Variants in KAZN observed in about 807,000 individuals in gnomAD.
KAZN encodes the protein kazrin.
Under a neutral mutation model 87.4 loss-of-function variants are expected in KAZN, and 40 were observed. The ratio of observed to expected loss-of-function variants is 0.46; its 90% CI spans 0.36 to 0.60. The LOEUF is 0.60. Ranked by LOEUF, KAZN falls within the 20% of genes least tolerant of loss-of-function variation. KAZN has a pLI of 0.00. For missense variants in KAZN, 898 were observed against 1,073.9 expected (o/e 0.84, Z 2.29); for synonymous variants, 466 against 458.3 (o/e 1.02, Z -0.22).
intron 2 of KAZN, among the ~76,000 whole-genome samples, chr1:14,430,779 A>G (rs1223727397): frequency 6.6e-6 from 1 of 152,266 alleles, no homozygotes; most frequent in Non-Finnish European, 1.5e-5. Flanking sequence ...CAGAGAGGAC[A>G]GGTATCGAGC....
At chr1:14,134,640 G>A (rs4662114) in intron 1 of KAZN, among the ~76,000 whole-genome samples, 1 of 151,914 alleles carries the variant, frequency 6.6e-6, no homozygotes, top group Non-Finnish European at 1.5e-5. Flanking sequence ...ACTAAATAAA[G>A]GTGCACAGTC....
intron 1 of KAZN, among the ~76,000 whole-genome samples, chr1:14,725,685 C>G (rs1018052101): frequency 6.6e-6 from 1 of 152,140 alleles, no homozygotes; most frequent in African/African-American, 2.4e-5. Flanking sequence ...AAACTCAGAA[C>G]CCCAGAGTCC....
In KAZN at chr1:14,118,388, A is replaced by G. The variant is rs116280985; in HGVS notation, c.92-62047A>G. 4.1e-3 allele frequency among the ~76,000 whole-genome samples: 625 copies of G among 152,300 alleles called. 4 individuals are homozygous for G. Among genetic ancestry groups the G allele is most frequent in the African/African-American group, 0.015 (603 of 41,572 alleles). On this transcript the variant is annotated intron_variant, in intron 1 of 16. Transcript: ENST00000636203. Reference sequence around the variant, plus strand: ...CTTCCCCCATCCCCTTTTCATCATCAGGGATTTGATAGTTATTCTCAAGAT... The same window carrying G: ...CTTCCCCCATCCCCTTTTCATCATCGGGGATTTGATAGTTATTCTCAAGAT...
chr1:14,906,006 A>C (rs914133283), intron 1 of KAZN, among the ~76,000 whole-genome samples: 2 of 151,454 alleles, frequency 1.3e-5, no homozygotes, highest in Non-Finnish European at 2.9e-5. Context: ...GTCTCTACTA[A>C]AAATACAAAA....
chr1:15,102,438 G>A (rs1470608264), intron 11 of KAZN, among the ~76,000 whole-genome samples: 1 of 152,232 alleles, frequency 6.6e-6, no homozygotes, highest in East Asian at 1.9e-4. Flanking sequence ...CAGCAGAGTT[G>A]CTGAGAGTCC....
chr1:14,593,351 GGA>G (rs1676313909), intron 2 of KAZN, among the ~76,000 whole-genome samples: 1 of 152,190 alleles, frequency 6.6e-6, no homozygotes, highest in Non-Finnish European at 1.5e-5. Flanking sequence ...CCAGACAGGG[GGA>G]GCAGAAAGCA....
At chr1:14,294,393 C>T (rs1557621579) in intron 2 of KAZN, among the ~76,000 whole-genome samples, 1 of 152,086 alleles carries the variant, frequency 6.6e-6, no homozygotes, top group Admixed American at 6.5e-5. Flanking sequence ...CTCAAAAACA[C>T]TAATCGCTTC....
chr1:13,899,476 C>T (rs557536601), intron 1 of KAZN, among the ~76,000 whole-genome samples: 1 of 152,172 alleles, frequency 6.6e-6, no homozygotes, highest in Non-Finnish European at 1.5e-5. Flanking sequence ...TGTTGCTGAA[C>T]ATCTGTGCCA....
At chr1:14,428,714 C>G (rs1361940261) in intron 2 of KAZN, among the ~76,000 whole-genome samples, 3 of 152,118 alleles carry the variant, frequency 2.0e-5, no homozygotes, top group Non-Finnish European at 2.9e-5. Context: ...GAATGAGAAC[C>G]AAGCTAAGAG....
chr1:14,866,900 A>T (rs1651520944), intron 1 of KAZN, among the ~76,000 whole-genome samples: 1 of 152,074 alleles, frequency 6.6e-6, no homozygotes, highest in African/African-American at 2.4e-5. Flanking sequence ...CTGTGGGGAG[A>T]CCCTGGTCTA....
At chr1:14,390,657 A>T (rs996816915) in intron 2 of KAZN, 4 of 152,436 alleles carry the variant, frequency 2.6e-5, no homozygotes, top group Non-Finnish European at 5.9e-5. Context: ...AGACTGGGTG[A>T]TTTTTAATAA....
At chr1:14,115,592 G>C (rs1644599041) in intron 1 of KAZN, among the ~76,000 whole-genome samples, 1 of 152,130 alleles carries the variant, frequency 6.6e-6, no homozygotes, top group Non-Finnish European at 1.5e-5. Flanking sequence ...TTACTTCCCA[G>C]TCCTAAGCAT....
intron 2 of KAZN, among the ~76,000 whole-genome samples, chr1:14,542,937 C>T (rs1435138828): frequency 2.6e-5 from 4 of 151,194 alleles, no homozygotes; most frequent in African/African-American, 4.9e-5. Context: ...AAGTGGCAGC[C>T]CTGCTCTTGG....
intron 2 of KAZN, among the ~76,000 whole-genome samples, chr1:14,533,800 G>A (rs570434506): frequency 1.1e-4 from 16 of 152,166 alleles, no homozygotes; most frequent in East Asian, 3.9e-4. Flanking sequence ...ATATTTTACC[G>A]ACATTTTTGT....
chr1:14,846,260 G>A (rs1326986150), intron 1 of KAZN, among the ~76,000 whole-genome samples: 1 of 152,190 alleles, frequency 6.6e-6, no homozygotes, highest in Non-Finnish European at 1.5e-5. Flanking sequence ...AAAGAAGCCT[G>A]TTGAATCTAG....
intron 2 of KAZN, among the ~76,000 whole-genome samples, chr1:14,232,243 G>A (rs2100545067): frequency 6.6e-6 from 1 of 152,296 alleles, no homozygotes; most frequent in African/African-American, 2.4e-5. Flanking sequence ...AGGTAGTTTT[G>A]TGGCTGTGTG....
chr1:14,396,716 G>T (rs992199642), intron 2 of KAZN, among the ~76,000 whole-genome samples: 6 of 152,174 alleles, frequency 3.9e-5, no homozygotes, highest in Admixed American at 6.5e-5. Flanking sequence ...TTACAAGTGT[G>T]GAAGAAAACT....
intron 1 of KAZN, among the ~76,000 whole-genome samples, chr1:14,602,156 T>A (rs1166116819): frequency 6.6e-6 from 1 of 152,206 alleles, no homozygotes; most frequent in East Asian, 1.9e-4. Context: ...TAATGCAGTG[T>A]GTCATTTAAA....
chr1:14,550,741 C>CTCTCT (rs1557793848), intron 2 of KAZN, among the ~76,000 whole-genome samples: 2 of 75,636 alleles, frequency 2.6e-5, no homozygotes, highest in Admixed American at 1.3e-4. Flanking sequence ...CTCTCTCTCC[C>CTCTCT]CCACCCCGCC....
Sources: allele counts gnomAD v4.1 joint callset (sites outside exome capture counted in the v4.1 genomes callset), GRCh38; gene constraint gnomAD v4.1.1; transcripts MANE v1.5; gene names NCBI Gene and HGNC (gene_info 2026-07-23, HGNC 2026-07-21).